The following SCARA3 variants were observed in gnomAD, a reference collection of about 807,000 sequenced individuals.
The protein encoded by SCARA3 is cellular stress response gene protein.
SCARA3 carries 39 observed loss-of-function variants against 47.0 expected under a neutral mutation model. The observed-to-expected ratio is 0.83, with a 90% CI of 0.64 to 1.08. SCARA3 has a LOEUF of 1.08. Ranked by LOEUF, SCARA3 falls within the 50% of genes least tolerant of loss-of-function variation. The pLI is 0.00. For synonymous variants in SCARA3, 356 were observed against 334.1 expected, an observed-to-expected ratio of 1.07 and a Z score of -0.71; for missense variants, 724 against 792.3, an observed-to-expected ratio of 0.91 and a Z score of 1.04.
At chr8:27,714,546 G>T in the SCARA3 span, among the ~76,000 whole-genome samples, 1 of 152,054 alleles carries the variant, frequency 6.6e-6, no homozygotes, top group Admixed American at 6.5e-5. Flanking sequence ...ATGCTAGCTG[G>T]GCTTATGGCT....
At chr8:27,715,703 C>T in the SCARA3 span, among the ~76,000 whole-genome samples, 11 of 151,894 alleles carry the variant, frequency 7.2e-5, no homozygotes, top group Non-Finnish European at 1.6e-4. The surrounding 1 kb of genome is among the most constrained non-coding windows in gnomAD (Gnocchi z 4.2). Flanking sequence ...TAGACACAGG[C>T]AGACAGAAAG....
chr8:27,668,847 G>T (rs946240214), intron 5 of SCARA3, among the ~76,000 whole-genome samples: 12 of 152,194 alleles, frequency 7.9e-5, no homozygotes, highest in Admixed American at 6.5e-5. Flanking sequence ...GAAAAAGAAA[G>T]AAATCCTCAC....
downstream of SCARA3, among the ~76,000 whole-genome samples, chr8:27,674,725 CTT>C (rs71553874): frequency 6.8e-3 from 727 of 106,224 alleles, 3 homozygotes; most frequent in African/African-American, 0.022. Flanking sequence ...TTTTCTCTCT[CTT>C]TTTTTTTTTT....
At position 27,672,995 on chromosome 8, in the gene SCARA3, C is replaced by T; in HGVS notation, c.*1644C>T. 2.0e-6 allele frequency: 2 copies of T among 985,372 alleles called. No homozygotes were observed. Among genetic ancestry groups the T allele is most frequent in the Non-Finnish European group, 2.4e-6 (2 of 829,852 alleles). 61.0% of individuals were successfully genotyped at this position (985,372 alleles called of 1,614,324 possible). A position where few individuals can be genotyped will look rare whatever the true frequency, so the allele number is the denominator to read the frequency against. ...ATACCATTCTGCATAGTATTACTGA[C>T]TCAGTAAAGAGCTATTTCCAGGAGT... On this transcript the variant is annotated 3_prime_UTR_variant, in exon 6 of 6. Coordinates refer to ENST00000301904, the MANE Select transcript of SCARA3 (RefSeq NM_016240.3).
rs1265454482 is a variant in SCARA3, at chr8:27,672,795, AC to A, written c.*1449del. ...TCATGTTCAAACAGATTCAGGCACCACCCCCTCCACCGCCCGCAAGGTTAGG... is the reference window on the plus strand; with the variant it reads ...TCATGTTCAAACAGATTCAGGCACCACCCCTCCACCGCCCGCAAGGTTAGG... On this transcript the variant is annotated 3_prime_UTR_variant, in exon 6 of 6. Coordinates refer to ENST00000301904, the MANE Select transcript of SCARA3 (RefSeq NM_016240.3). The A allele has an allele frequency of 2.0e-6, 2 of 985,020 alleles. No individual in the cohort carries two copies. Among genetic ancestry groups the A allele is most frequent in the Non-Finnish European group, 2.4e-6 (2 of 829,946 alleles). 61.0% of individuals were successfully genotyped at this position (985,020 alleles called of 1,614,324 possible).
In SCARA3 at chr8:27,671,785, G is replaced by A. The variant is rs1404842659; in HGVS notation, c.*434G>A. On this transcript the variant is annotated 3_prime_UTR_variant, in exon 6 of 6. Coordinates refer to ENST00000301904, the MANE Select transcript of SCARA3 (RefSeq NM_016240.3). ...ACATGTACGCACACACACATGCACTGCACACATATCCATGCACACAAACAC... is the reference window on the plus strand; with the variant it reads ...ACATGTACGCACACACACATGCACTACACACATATCCATGCACACAAACAC... 2.2e-5 allele frequency: 22 copies of A among 992,990 alleles called. No homozygotes were observed. The East Asian group carries it at 7.5e-4, about 34-fold the overall frequency. The allele number at this position is 992,990 out of a possible 1,614,324, so 61.5% of individuals were successfully genotyped here.
rs757359424 is a variant in SCARA3 at position 27,659,035 on chromosome 8, C to A, written c.865C>A (p.Arg289Ser). ...IQATLGASSQ[R>S]ISQNSESMHD... is the part of the protein sequence containing the mutation. ...GGCCACCCTGGGGGCCTCCTCACAGCGCATCAGCCAGAACTCAGAGAGCAT... is the reference window on the plus strand; with the variant it reads ...GGCCACCCTGGGGGCCTCCTCACAGAGCATCAGCCAGAACTCAGAGAGCAT... The change falls in exon 5 of 6, where the codon CGC becomes AGC. Residue 289 changes from arginine to serine, a missense_variant. Coordinates refer to ENST00000301904, the MANE Select transcript of SCARA3 (RefSeq NM_016240.3). 1.9e-6 allele frequency: 3 copies of A among 1,613,994 alleles called. No homozygotes were observed. Among genetic ancestry groups the A allele is most frequent in the Non-Finnish European group, 2.5e-6 (3 of 1,180,030 alleles).
At chr8:27,638,593 C>T (rs1405164199) in intron 1 of SCARA3, among the ~76,000 whole-genome samples, 5 of 152,098 alleles carry the variant, frequency 3.3e-5, no homozygotes, top group South Asian at 4.1e-4. Flanking sequence ...CAGAACCTCA[C>T]GCAGGCATTC....
At chr8:27,668,900 C>T (rs59845087) in intron 5 of SCARA3, among the ~76,000 whole-genome samples, 15,913 of 152,048 alleles carry the variant, frequency 0.1, 932 homozygotes, top group East Asian at 0.26. Flanking sequence ...GAGAGGTTGT[C>T]CACCAAAGAT....
At chr8:27,711,815 T>C in the SCARA3 span, among the ~76,000 whole-genome samples, 1 of 152,168 alleles carries the variant, frequency 6.6e-6, no homozygotes, top group Non-Finnish European at 1.5e-5. Flanking sequence ...AGTTCCCATA[T>C]ACTCCCTGCC....
chr8:27,730,852 C>G, the SCARA3 span, among the ~76,000 whole-genome samples: 1 of 151,972 alleles, frequency 6.6e-6, no homozygotes, highest in Non-Finnish European at 1.5e-5. Context: ...GAAACACTTT[C>G]ACCCTATTCC....
At position 27,634,075 on chromosome 8, in the gene SCARA3, G is replaced by A. The variant is rs1801193339; in HGVS notation, c.-126G>A. 7.3e-6 allele frequency: 6 copies of A among 826,506 alleles called. No homozygotes were observed. Among genetic ancestry groups the A allele is most frequent in the Non-Finnish European group, 1.0e-5 (6 of 598,976 alleles). 51.2% of individuals were successfully genotyped at this position (826,506 alleles called of 1,614,324 possible). ...CGCCGGAGCATGAGTCCCGGCCGGAGCCCCACGGCCGCGGGCGGCGCCTAG... is the reference window on the plus strand; with the variant it reads ...CGCCGGAGCATGAGTCCCGGCCGGAACCCCACGGCCGCGGGCGGCGCCTAG... On this transcript the variant is annotated 5_prime_UTR_variant, in exon 1 of 6. Coordinates refer to ENST00000301904, the MANE Select transcript of SCARA3 (RefSeq NM_016240.3).
chr8:27,671,823 G>A lies in SCARA3; in HGVS notation c.*472G>A, dbSNP rs998161659. On this transcript the variant is annotated 3_prime_UTR_variant, in exon 6 of 6. Transcript: ENST00000301904. ...TGCACACAAACACATATATACACATGCACATACACAGATTTTTCTGCTGGC... is the reference window on the plus strand; with the variant it reads ...TGCACACAAACACATATATACACATACACATACACAGATTTTTCTGCTGGC... 3.2e-5 allele frequency: 32 copies of A among 986,250 alleles called. No individual in the cohort carries two copies. Among genetic ancestry groups the A allele is most frequent in the Non-Finnish European group, 3.7e-5 (31 of 830,600 alleles). 61.1% of individuals were successfully genotyped at this position (986,250 alleles called of 1,614,324 possible). A position where few individuals can be genotyped will look rare whatever the true frequency, so the allele number is the denominator to read the frequency against.
chr8:27,732,528 G>C, the SCARA3 span, among the ~76,000 whole-genome samples: 3 of 152,200 alleles, frequency 2.0e-5, no homozygotes, highest in South Asian at 6.2e-4. Context: ...AAAGAGGTAT[G>C]TATAATCTAA....
At chr8:27,669,966 A>G (rs1489636832) in intron 5 of SCARA3, among the ~76,000 whole-genome samples, 1 of 151,884 alleles carries the variant, frequency 6.6e-6, no homozygotes, top group East Asian at 1.9e-4. Flanking sequence ...TTGTGTCCTC[A>G]GGGTTGGCAC....
chr8:27,722,556 C>T, the SCARA3 span, among the ~76,000 whole-genome samples: 1 of 152,228 alleles, frequency 6.6e-6, no homozygotes, highest in Non-Finnish European at 1.5e-5. Flanking sequence ...AAGCCACCCA[C>T]AGTTCTCTGC....
the SCARA3 span, among the ~76,000 whole-genome samples, chr8:27,694,886 C>T: frequency 6.6e-6 from 1 of 152,076 alleles, no homozygotes; most frequent in Non-Finnish European, 1.5e-5. Context: ...CAACTGGAAT[C>T]TGAAGGGCAA....
chr8:27,712,271 T>G, the SCARA3 span, among the ~76,000 whole-genome samples: 1 of 152,024 alleles, frequency 6.6e-6, no homozygotes, highest in Non-Finnish European at 1.5e-5. Context: ...GCATTTAAGA[T>G]TCTTCCATGT....
At chr8:27,638,018 G>T (rs1801293049) in intron 1 of SCARA3, among the ~76,000 whole-genome samples, 1 of 152,112 alleles carries the variant, frequency 6.6e-6, no homozygotes, top group African/African-American at 2.4e-5. Flanking sequence ...CGGCTCAGAT[G>T]TTGGAGTTCG....
Sources: gnomAD v4.1 joint callset for allele counts (sites outside exome capture counted in the v4.1 genomes callset) on GRCh38, gnomAD v4.1.1 for gene constraint, Gnocchi (gnomAD v3.1) non-coding constraint, MANE v1.5 for transcripts, NCBI Gene and HGNC (gene_info 2026-07-23, HGNC 2026-07-21) for gene names.